The following PIEZO2 variants were observed in gnomAD, a reference collection of about 807,000 sequenced individuals.
PIEZO2 encodes piezo type mechanosensitive ion channel component 2.
Under a neutral mutation model 337.3 loss-of-function variants are expected in PIEZO2, and 172 were observed. That is an observed-to-expected ratio of 0.51 (90% CI 0.45 to 0.58). The LOEUF is 0.58. Ranked by LOEUF, PIEZO2 falls within the 20% of genes least tolerant of loss-of-function variation. The pLI is 0.00. For missense variants in PIEZO2, 3,028 were observed against 3,391.3 expected, an observed-to-expected ratio of 0.89 and a Z score of 2.66; for synonymous variants, 1,251 against 1,228.5, an observed-to-expected ratio of 1.02 and a Z score of -0.38.
intron 15 of PIEZO2, among the ~76,000 whole-genome samples, chr18:10,787,646 G>A (rs2039270422): frequency 6.6e-6 from 1 of 152,204 alleles, no homozygotes; most frequent in African/African-American, 2.4e-5. Flanking sequence ...TCGTTTTACC[G>A]TAAGCTGTGG....
intron 1 of PIEZO2, among the ~76,000 whole-genome samples, chr18:11,091,383 CAAAAAAAAAAA>C (rs529307821): frequency 0.19 from 14,961 of 77,928 alleles, 850 homozygotes; most frequent in Non-Finnish European, 0.24. Context: ...GACTCCGTCT[CAAAAAAAAAAA>C]AAAAAGAAAA....
rs187242909 is a variant in PIEZO2 at position 11,048,204 on chromosome 18, C to T, written c.160+17923G>A. ...ACCCCTTAAGGGCACAAAATACTGG[C>T]AAGCAAAAATGCAGAAAATAAATCT... is the stretch of plus-strand genomic sequence containing the variant. On this transcript the variant is annotated intron_variant, in intron 2 of 55. Coordinates refer to ENST00000674853, the MANE Select transcript of PIEZO2 (RefSeq NM_001378183.1). This position sits in a 1 kb window ranked among gnomAD's most constrained non-coding sequence, Gnocchi z 4.5. Among the ~76,000 whole-genome samples the T allele has an allele frequency of 1.4e-4, 21 of 152,172 alleles. No homozygotes were observed. Among genetic ancestry groups the T allele is most frequent in the Non-Finnish European group, 1.5e-4 (10 of 67,996 alleles).
In PIEZO2 at chr18:11,132,171, A is replaced by G. The variant is rs2040358698; in HGVS notation, c.64+16354T>C. Among the ~76,000 whole-genome samples the G allele has an allele frequency of 1.3e-5, 2 of 152,186 alleles. No homozygotes were observed. The highest frequency in any genetic ancestry group is 4.8e-5 in the African/African-American group (2 of 41,446). On this transcript the variant is annotated intron_variant, in intron 1 of 55. Coordinates refer to ENST00000674853, the MANE Select transcript of PIEZO2 (RefSeq NM_001378183.1). The surrounding 1 kb of genome is among the most constrained non-coding windows in gnomAD (Gnocchi z 4.7). ...TGGAATAGACACTTACTCTGTATATAGGTTTGCCTGTCCTGCATGCAATGC... is the reference window on the plus strand; with the variant it reads ...TGGAATAGACACTTACTCTGTATATGGGTTTGCCTGTCCTGCATGCAATGC...
chr18:10,752,987 G>A, intron 27 of PIEZO2, 108 bp from the exon 28 acceptor site: 1 of 1,318,510 alleles, frequency 7.6e-7, no homozygotes, highest in African/African-American at 1.5e-5. Flanking sequence ...GCTGCACCTT[G>A]CAAATCAGAC....
intron 47 of PIEZO2, among the ~76,000 whole-genome samples, chr18:10,694,270 C>T (rs1277626838): frequency 6.6e-6 from 1 of 152,140 alleles, no homozygotes; most frequent in African/African-American, 2.4e-5. Context: ...AACACTCAAA[C>T]AAAAGCAGCC....
chr18:10,885,471 A>T (rs1279178271), intron 4 of PIEZO2, among the ~76,000 whole-genome samples: 4 of 152,146 alleles, frequency 2.6e-5, no homozygotes, highest in Non-Finnish European at 4.4e-5. Flanking sequence ...GTATTTGTCA[A>T]GGAGGTGATA....
At chr18:10,879,646 C>T (rs999162804) in intron 4 of PIEZO2, among the ~76,000 whole-genome samples, 11 of 152,230 alleles carry the variant, frequency 7.2e-5, no homozygotes, top group South Asian at 6.2e-4. Context: ...CTGCCCGCCT[C>T]GGCCTCCCAA....
rs561758653 is a variant in PIEZO2 at position 10,886,343 on chromosome 18, T to TATATAC, written c.330-14929_330-14928insGTATAT. Among the ~76,000 whole-genome samples, 7 of 23,716 alleles carry TATATAC rather than the reference T, an allele frequency of 3.0e-4. 3 individuals carry two copies. Among genetic ancestry groups the TATATAC allele is most frequent in the Non-Finnish European group, 4.2e-4 (7 of 16,570 alleles). The allele number at this position is 23,716 out of a possible 152,430, so 15.6% of individuals were successfully genotyped here. On this transcript the variant is annotated intron_variant, in intron 4 of 55. Transcript: ENST00000674853. Reference sequence around the variant, plus strand: ...ACATACATATATATATATATATATATACACACACACACACACACATATATA... The same window carrying TATATAC: ...ACATACATATATATATATATATATATATATACACACACACACACACACACATATATA...
chr18:11,018,385 G>A (rs1349689477), intron 2 of PIEZO2, among the ~76,000 whole-genome samples: 49 of 9,624 alleles, frequency 5.1e-3, no homozygotes, highest in Non-Finnish European at 0.012. Flanking sequence ...AACATGTCGT[G>A]TGTGTGTGTG....
At position 10,844,422 on chromosome 18, in the gene PIEZO2, G is replaced by GATAAAATAAA. The variant is rs11268090; in HGVS notation, c.917+10921_917+10930dup. Among the ~76,000 whole-genome samples the GATAAAATAAA allele has an allele frequency of 1.2e-3, 180 of 144,398 alleles. 2 individuals carry two copies. Among genetic ancestry groups the GATAAAATAAA allele is most frequent in the Middle Eastern group, 3.5e-3 (1 of 288 alleles). 94.7% of individuals were successfully genotyped at this position (144,398 alleles called of 152,430 possible). A position where few individuals can be genotyped will look rare whatever the true frequency, so the allele number is the denominator to read the frequency against. On this transcript the variant is annotated intron_variant, in intron 7 of 55. Transcript: ENST00000674853. ...GTGACAGAGTGAGACTGTCTCAAAA[G>GATAAAATAAA]ATAAAATAAAATAAAATAAAATAAA...
intron 2 of PIEZO2, among the ~76,000 whole-genome samples, chr18:10,989,085 T>G (rs2034991049): frequency 6.6e-6 from 1 of 152,052 alleles, no homozygotes; most frequent in Non-Finnish European, 1.5e-5. Context: ...TCTTAAGAGA[T>G]CTTACAAACA....
At chr18:11,053,126 C>T (rs28490148) in intron 2 of PIEZO2, among the ~76,000 whole-genome samples, 6,222 of 152,202 alleles carry the variant, frequency 0.041, 426 homozygotes, top group African/African-American at 0.14. Context: ...TAACAGCTCC[C>T]TTAAACGTGT....
chr18:10,731,166 T>C, intron 36 of PIEZO2, among the ~76,000 whole-genome samples: 1 of 30,462 alleles, frequency 3.3e-5, no homozygotes. Flanking sequence ...CCTTTTTTCC[T>C]ACTTAAAAGA....
At position 10,979,402 on chromosome 18, in the gene PIEZO2, A is replaced by G. The variant is rs973860007; in HGVS notation, c.286+133T>C. 1 of 1,047,676 alleles carries G rather than the reference A, an allele frequency of 9.5e-7. No homozygotes were observed. Among genetic ancestry groups the G allele is most frequent in the Admixed American group, 3.3e-5 (1 of 30,238 alleles). The allele number at this position is 1,047,676 out of a possible 1,614,324, so 64.9% of individuals were successfully genotyped here. ...ATATATTTACACTGCATTGCCAAAGACCAAAAATTTCCATGAATTTTATAA... is the reference window on the plus strand; with the variant it reads ...ATATATTTACACTGCATTGCCAAAGGCCAAAAATTTCCATGAATTTTATAA... On this transcript the variant is annotated intron_variant, in intron 3 of 55. Transcript: ENST00000674853. This position sits in a 1 kb window ranked among gnomAD's most constrained non-coding sequence, Gnocchi z 4.0.
At position 11,031,370 on chromosome 18, in the gene PIEZO2, C is replaced by A. The variant is rs562689860; in HGVS notation, c.160+34757G>T. ...AGTTGTCTCCCCAGAAAACACATTT[C>A]CTACGTCATTACTTTTGAAAGTATA... On this transcript the variant is annotated intron_variant, in intron 2 of 55. Coordinates refer to ENST00000674853, the MANE Select transcript of PIEZO2 (RefSeq NM_001378183.1). The surrounding 1 kb of genome is among the most constrained non-coding windows in gnomAD (Gnocchi z 4.7). Among the ~76,000 whole-genome samples the A allele has an allele frequency of 8.4e-4, 127 of 152,024 alleles. No individual in the cohort carries two copies. Among genetic ancestry groups the A allele is most frequent in the Admixed American group, 2.2e-3 (33 of 15,266 alleles).
At chr18:11,144,068 G>A (rs1478565687) in intron 1 of PIEZO2, among the ~76,000 whole-genome samples, 2 of 152,176 alleles carry the variant, frequency 1.3e-5, no homozygotes, top group Non-Finnish European at 2.9e-5. Flanking sequence ...CTGCCCAGTG[G>A]CAACACCATC....
Position 10,783,387 on chromosome 18 carries a change from T to G in PIEZO2, c.2492+1397A>C, listed in dbSNP as rs1598475183. Among the ~76,000 whole-genome samples the G allele has an allele frequency of 6.6e-6, 1 of 152,248 alleles. No homozygotes were observed. Among genetic ancestry groups the G allele is most frequent in the Non-Finnish European group, 1.5e-5 (1 of 68,042 alleles). ...ATAATGATTAAAAAAATCCTTTTTC[T>G]GATTATTGACAATTCTCACTTTTAT... On this transcript the variant is annotated intron_variant, in intron 17 of 55. Coordinates refer to ENST00000674853, the MANE Select transcript of PIEZO2 (RefSeq NM_001378183.1). This position sits in a 1 kb window ranked among gnomAD's most constrained non-coding sequence, Gnocchi z 4.3.
At chr18:11,139,890 T>C (rs1296370182) in intron 1 of PIEZO2, among the ~76,000 whole-genome samples, 1 of 152,184 alleles carries the variant, frequency 6.6e-6, no homozygotes, top group Non-Finnish European at 1.5e-5. Flanking sequence ...TTCAGTAGAC[T>C]GCCCATCGAG....
chr18:10,681,532 A>G (rs963085511), intron 51 of PIEZO2, 129 bp downstream of exon 51: 7 of 704,440 alleles, frequency 9.9e-6, no homozygotes, highest in Admixed American at 7.1e-5. Context: ...AATGTGCTCT[A>G]TGTAACTGAT....
Sources: gnomAD v4.1 joint callset for allele counts (sites outside exome capture counted in the v4.1 genomes callset) on GRCh38, gnomAD v4.1.1 for gene constraint, Gnocchi (gnomAD v3.1) non-coding constraint, MANE v1.5 for transcripts, NCBI Gene and HGNC (gene_info 2026-07-23, HGNC 2026-07-21) for gene names.